GLS: variants seen among roughly 807,000 people sequenced by gnomAD.
GLS encodes glutaminase kidney isoform, mitochondrial.
A neutral mutation model predicts 86.7 loss-of-function variants in GLS; 36 were observed. The ratio of observed to expected loss-of-function variants is 0.42; its 90% CI spans 0.32 to 0.55. The LOEUF (loss-of-function observed/expected upper bound fraction) is 0.55. GLS is among the 20% of genes least tolerant of loss of function. The pLI, the probability that GLS is intolerant of heterozygous loss-of-function variation, is 0.17. For missense variants in GLS, 528 were observed against 833.4 expected, an observed-to-expected ratio of 0.63 and a Z score of 4.51; for synonymous variants, 317 against 305.9, an observed-to-expected ratio of 1.04 and a Z score of -0.38.
intron 1 of GLS, among the ~76,000 whole-genome samples, chr2:190,892,885 T>G (rs915994105): frequency 6.6e-6 from 1 of 152,234 alleles, no homozygotes. Context: ...ATTTGTCTTT[T>G]TTTGCTAGCT....
At chr2:190,904,515 C>A (rs1275075749) in intron 5 of GLS, among the ~76,000 whole-genome samples, 2 of 152,074 alleles carry the variant, frequency 1.3e-5, no homozygotes, top group Non-Finnish European at 2.9e-5. Flanking sequence ...TAGGTCAATT[C>A]TGTATCCATG....
intron 7 of GLS, among the ~76,000 whole-genome samples, chr2:190,916,054 C>G (rs1223632197): frequency 6.6e-6 from 1 of 152,078 alleles, no homozygotes; most frequent in African/African-American, 2.4e-5. Flanking sequence ...GCAATTCACA[C>G]CTCTGTAAAA....
intron 11 of GLS, chr2:190,927,073 T>C (rs1319091771): frequency 7.1e-6 from 3 of 419,878 alleles, no homozygotes; most frequent in Non-Finnish European, 1.3e-5. Context: ...CACTTCCTAG[T>C]CTAGTTCTGC....
Position 190,954,871 on chromosome 2 carries a change from G to A in GLS, c.1853+53G>A. On this transcript the variant is annotated intron_variant, in intron 17 of 17. Coordinates refer to ENST00000320717, the MANE Select transcript of GLS (RefSeq NM_014905.5). The surrounding 1 kb of genome is among the most constrained non-coding windows in gnomAD (Gnocchi z 4.0). ...TGTCAGTATTTTATTATGCAGGACTGTAATATTCAAGTGATGATAATATTT... is the reference window on the plus strand; with the variant it reads ...TGTCAGTATTTTATTATGCAGGACTATAATATTCAAGTGATGATAATATTT... The A allele has an allele frequency of 8.6e-7, 1 of 1,159,264 alleles. No homozygotes were observed. Among genetic ancestry groups the A allele is most frequent in the Non-Finnish European group, 1.3e-6 (1 of 799,026 alleles). The allele number at this position is 1,159,264 out of a possible 1,614,324, so 71.8% of individuals were successfully genotyped here. A position where few individuals can be genotyped will look rare whatever the true frequency, so the allele number is the denominator to read the frequency against.
At chr2:190,910,393 C>G in intron 7 of GLS, 72 bp downstream of exon 7, 1 of 727,160 alleles carries the variant, frequency 1.4e-6, no homozygotes, top group African/African-American at 1.8e-5. Flanking sequence ...AAAGATGAAT[C>G]TGGGATTATT....
intron 6 of GLS, among the ~76,000 whole-genome samples, chr2:190,907,455 C>A (rs1689195388): frequency 6.6e-6 from 1 of 151,614 alleles, no homozygotes; most frequent in Admixed American, 6.6e-5. Context: ...GGGGTTTCTC[C>A]ATGTTGGTCA....
At chr2:190,961,439 C>G (rs1393369572) in intron 17 of GLS, among the ~76,000 whole-genome samples, 3 of 152,218 alleles carry the variant, frequency 2.0e-5, no homozygotes, top group Non-Finnish European at 4.4e-5. Flanking sequence ...TCAAGTGGTG[C>G]ACCCACCTTG....
intron 1 of GLS, among the ~76,000 whole-genome samples, chr2:190,886,948 A>C: frequency 6.6e-6 from 1 of 151,980 alleles, no homozygotes; most frequent in East Asian, 1.9e-4. Context: ...GTAATAGTAA[A>C]AGGCTGTACT....
chr2:190,919,279 G>A (rs1013858814), intron 7 of GLS, among the ~76,000 whole-genome samples: 6 of 152,090 alleles, frequency 3.9e-5, no homozygotes, highest in Admixed American at 2.0e-4. Flanking sequence ...AATACCAGTT[G>A]TTTCTTAAAA....
In GLS at chr2:190,956,480, T is replaced by C. The variant is rs1690863630; in HGVS notation, c.1853+1662T>C. Among the ~76,000 whole-genome samples, 1 of 152,362 alleles carries C rather than the reference T, an allele frequency of 6.6e-6. No individual in the cohort carries two copies. Among genetic ancestry groups the C allele is most frequent in the African/African-American group, 2.4e-5 (1 of 41,588 alleles). On this transcript the variant is annotated intron_variant, in intron 17 of 17. Transcript: ENST00000320717. This position sits in a 1 kb window ranked among gnomAD's most constrained non-coding sequence, Gnocchi z 4.2. Reference sequence around the variant, plus strand: ...CTCTGTGTATCTATTTTGGTATCAGTACCATACTGTTTTGATTACTGTAGC... The same window carrying C: ...CTCTGTGTATCTATTTTGGTATCAGCACCATACTGTTTTGATTACTGTAGC...
chr2:190,890,914 G>C (rs1688540446), intron 1 of GLS, among the ~76,000 whole-genome samples: 3 of 151,920 alleles, frequency 2.0e-5, no homozygotes, highest in Admixed American at 6.6e-5. Flanking sequence ...CTTGACCCCA[G>C]CCTTGAAGCT....
rs1689467103 is a variant in GLS, at chr2:190,914,650, T to C, written c.1038+4329T>C. Among the ~76,000 whole-genome samples the C allele has an allele frequency of 6.6e-6, 1 of 152,144 alleles. No individual in the cohort carries two copies. The highest frequency in any genetic ancestry group is 1.5e-5 in the Non-Finnish European group (1 of 68,018). On this transcript the variant is annotated intron_variant, in intron 7 of 17. Coordinates refer to ENST00000320717, the MANE Select transcript of GLS (RefSeq NM_014905.5). This position sits in a 1 kb window ranked among gnomAD's most constrained non-coding sequence, Gnocchi z 4.4. ...TTTCACAAAATCGTTTTTAGTTACC[T>C]CTTTTTGCCTTTTTCCTCTATGATC... is the stretch of plus-strand genomic sequence containing the variant.
Position 190,881,053 on chromosome 2 carries a change from C to T in GLS, c.-32C>T, listed in dbSNP as rs773287750. ...GCCGCCCACGCCCGGAGCATCCTCCCCTGTTGAGCGGGCGCTGACGGACCC... is the reference window on the plus strand; with the variant it reads ...GCCGCCCACGCCCGGAGCATCCTCCTCTGTTGAGCGGGCGCTGACGGACCC... On this transcript the variant is annotated 5_prime_UTR_variant, in exon 1 of 18. Transcript: ENST00000320717. The T allele has an allele frequency of 8.5e-6, 13 of 1,535,218 alleles. No homozygotes were observed. Among genetic ancestry groups the T allele is most frequent in the South Asian group, 7.2e-5 (6 of 83,828 alleles).
At position 190,897,636 on chromosome 2, in the gene GLS, C is replaced by T. The variant is rs1416183342; in HGVS notation, c.605+1911C>T. 2.0e-5 allele frequency among the ~76,000 whole-genome samples: 3 copies of T among 152,134 alleles called. No homozygotes were observed. The highest frequency in any genetic ancestry group is 4.1e-4 in the South Asian group (2 of 4,826). ...TGTTAACCTTTTAATAGCTTTCAGT[C>T]ACCTGGAAAGGTGATTGCTTCAGAG... On this transcript the variant is annotated intron_variant, in intron 3 of 17. Transcript: ENST00000320717. The surrounding 1 kb of genome is among the most constrained non-coding windows in gnomAD (Gnocchi z 4.3).
In GLS at chr2:190,913,448, C is replaced by G. The variant is rs1689424223; in HGVS notation, c.1038+3127C>G. ...AAATCATAAGGGTATTATACTTCCT[C>G]TCTTTTTCTCTGTGGTAGCTACTAA... is the stretch of plus-strand genomic sequence containing the variant. On this transcript the variant is annotated intron_variant, in intron 7 of 17. Transcript: ENST00000320717. This position sits in a 1 kb window ranked among gnomAD's most constrained non-coding sequence, Gnocchi z 6.1. 2.3e-6 allele frequency: 2 copies of G among 885,666 alleles called. No individual in the cohort carries two copies. The highest frequency in any genetic ancestry group is 1.4e-6 in the Non-Finnish European group (1 of 721,864). 54.9% of individuals were successfully genotyped at this position (885,666 alleles called of 1,614,324 possible). A position where few individuals can be genotyped will look rare whatever the true frequency, so the allele number is the denominator to read the frequency against.
At position 190,963,161 on chromosome 2, in the gene GLS, A is replaced by C; in HGVS notation, c.*175A>C. ...AAATCTGATCTCTTTGGGAAAAAAT[A>C]GAAATAAAACAATCTCCCTCCATAA... On this transcript the variant is annotated 3_prime_UTR_variant, in exon 18 of 18. Coordinates refer to ENST00000320717, the MANE Select transcript of GLS (RefSeq NM_014905.5). 1 of 481,120 alleles carries C rather than the reference A, an allele frequency of 2.1e-6. No homozygotes were observed. Among genetic ancestry groups the C allele is most frequent in the Non-Finnish European group, 3.7e-6 (1 of 273,624 alleles). The allele number at this position is 481,120 out of a possible 1,614,324, so 29.8% of individuals were successfully genotyped here.
In GLS at chr2:190,953,905, A is replaced by G. The variant is rs1304597566; in HGVS notation, c.1712+279A>G. ...TACCAGTGGCTTACTGGAATTGGAC[A>G]GTGCCTTCTCACTCCCTGTCTACCC... On this transcript the variant is annotated intron_variant, in intron 15 of 17. Transcript: ENST00000320717. The surrounding 1 kb of genome is among the most constrained non-coding windows in gnomAD (Gnocchi z 4.0). Among the ~76,000 whole-genome samples the G allele has an allele frequency of 1.3e-5, 2 of 151,562 alleles. No homozygotes were observed. The highest frequency in any genetic ancestry group is 2.9e-5 in the Non-Finnish European group (2 of 67,978).
In GLS at chr2:190,930,348, G is replaced by A. The variant is rs938927490; in HGVS notation, c.1426-89G>A. On this transcript the variant is annotated intron_variant, in intron 12 of 17. Transcript: ENST00000320717. This position sits in a 1 kb window ranked among gnomAD's most constrained non-coding sequence, Gnocchi z 5.0. ...GCTGAGATTACAGGAGTGAGCCATG[G>A]TGCCCAGCCCCAGTTTCCCTATTGT... 23 of 977,008 alleles carry A rather than the reference G, an allele frequency of 2.4e-5. 1 individual carries two copies. The Middle Eastern group carries it at 7.9e-4, about 34-fold the overall frequency. 60.5% of individuals were successfully genotyped at this position (977,008 alleles called of 1,614,324 possible).
intron 6 of GLS, among the ~76,000 whole-genome samples, chr2:190,907,519 G>C (rs2124859852): frequency 6.6e-6 from 1 of 152,268 alleles, no homozygotes; most frequent in East Asian, 1.9e-4. Flanking sequence ...GCCTCCCAAA[G>C]TGCTGGGATT....
Sources: allele counts gnomAD v4.1 joint callset (sites outside exome capture counted in the v4.1 genomes callset), GRCh38; gene constraint gnomAD v4.1.1; non-coding constraint Gnocchi (gnomAD v3.1); transcripts MANE v1.5; gene names NCBI Gene and HGNC (gene_info 2026-07-23, HGNC 2026-07-21).